Variants in ERICH3 observed in about 807,000 individuals in gnomAD.
ERICH3 encodes the protein glutamate rich 3.
In ERICH3, 126 loss-of-function variants were observed where a neutral mutation model predicts 131.1. That is an observed-to-expected ratio of 0.96 (90% CI 0.83 to 1.11). The LOEUF (loss-of-function observed/expected upper bound fraction) is 1.11. Ranked by LOEUF, ERICH3 falls within the 50% of genes most tolerant of loss-of-function variation. ERICH3 has a pLI of 0.00. For synonymous variants in ERICH3, 695 were observed against 644.6 expected (o/e 1.08, Z -1.18); for missense variants, 2,050 against 1,810.7 (o/e 1.13, Z -2.40).
chr1:74,634,495 T>G (rs1047472654), intron 6 of ERICH3, among the ~76,000 whole-genome samples: 2 of 151,964 alleles, frequency 1.3e-5, no homozygotes, highest in East Asian at 1.9e-4. Flanking sequence ...AGTAAATCTA[T>G]CCAGTGGCTC....
At chr1:74,643,272 T>C (rs1027675493) in intron 3 of ERICH3, among the ~76,000 whole-genome samples, 174 bp from the exon 4 acceptor site, 2 of 152,148 alleles carry the variant, frequency 1.3e-5, no homozygotes, top group Admixed American at 1.3e-4. Flanking sequence ...GTGCAACTAT[T>C]TGGAAATTCA....
rs1646979227 is a variant in ERICH3 at position 74,572,778 on chromosome 1, C to T, written c.2932G>A (p.Glu978Lys). Residue 978 changes from glutamate to lysine, a missense_variant, in exon 14 of 15, where the codon GAG becomes AAG. By Grantham distance (56) the Glu-to-Lys change is moderately conservative (BLOSUM62 1). Transcript: ENST00000326665. ...TCTTTTCTCTCTTTGGCTGGTTCCT[C>T]TCCCCCAAGAATTGCCTCTTCAGAA... ...DGSEEAILGG[E>K]EPAKERKEVM... The T allele has an allele frequency of 4.3e-6, 7 of 1,613,842 alleles. No homozygotes were observed. Among genetic ancestry groups the T allele is most frequent in the African/African-American group, 1.3e-5 (1 of 74,860 alleles).
intron 1 of ERICH3, among the ~76,000 whole-genome samples, chr1:74,666,834 T>A (rs574681132): frequency 6.6e-6 from 1 of 152,208 alleles, no homozygotes; most frequent in South Asian, 2.1e-4. Context: ...GCAAAACACA[T>A]GATTGTGTGT....
chr1:74,573,138 G>A lies in ERICH3; in HGVS notation c.2572C>T (p.Pro858Ser), dbSNP rs150485650. The A allele has an allele frequency of 2.2e-5, 36 of 1,613,242 alleles. No homozygotes were observed. In the African/African-American group the frequency reaches 4.4e-4, roughly 20 times the overall value. The change falls in exon 14 of 15, where the codon CCC becomes TCC. Residue 858 changes from proline (P) to serine (S), a missense_variant. Coordinates refer to ENST00000326665, the MANE Select transcript of ERICH3 (RefSeq NM_001002912.5). Reference sequence around the variant, plus strand: ...TCTTTTGCTGCTGCTTGTCCTATGGGGTCTGACCCCCCTTCACCCAGCCTT... The same window carrying A: ...TCTTTTGCTGCTGCTTGTCCTATGGAGTCTGACCCCCCTTCACCCAGCCTT... ...VRRLGEGGSD[P>S]IGQAAAKDAV...
intron 7 of ERICH3, 147 bp downstream of exon 7, chr1:74,631,566 T>G: frequency 1.5e-6 from 1 of 658,036 alleles, no homozygotes; most frequent in East Asian, 2.7e-5. Context: ...TTCAGATACA[T>G]TCAAGCTTAC....
chr1:74,580,333 T>A (rs1394321352), intron 12 of ERICH3, among the ~76,000 whole-genome samples: 1 of 152,182 alleles, frequency 6.6e-6, no homozygotes, highest in Non-Finnish European at 1.5e-5. Context: ...TTTCGGTTCA[T>A]CAATGTCTAT....
Position 74,656,519 on chromosome 1 carries a change from A to G in ERICH3, c.24-7204T>C, listed in dbSNP as rs115969177. Reference sequence around the variant, plus strand: ...TGCCCTCGACTTGAGTTCCAAATCTAATTCTACCCCTTATAAGATACATGA... The same window carrying G: ...TGCCCTCGACTTGAGTTCCAAATCTGATTCTACCCCTTATAAGATACATGA... On this transcript the variant is annotated intron_variant, in intron 1 of 14. Transcript: ENST00000326665. Among the ~76,000 whole-genome samples the G allele has an allele frequency of 7.0e-3, 1,058 of 152,226 alleles. 6 individuals are homozygous for G. The highest frequency in any genetic ancestry group is 0.031 in the Middle Eastern group (9 of 294).
At chr1:74,590,887 A>AT (rs541863002) in intron 11 of ERICH3, among the ~76,000 whole-genome samples, 3 of 152,308 alleles carry the variant, frequency 2.0e-5, no homozygotes, top group East Asian at 3.9e-4. Flanking sequence ...TTTGAAAGCC[A>AT]TTTTTTATTG....
At chr1:74,624,342 TAGAG>T (rs1459524095) in intron 7 of ERICH3, 1 of 152,210 alleles carries the variant, frequency 6.6e-6, no homozygotes, top group Admixed American at 6.5e-5. Context: ...CTGGTGGCCC[TAGAG>T]AGAGAAAGTC....
intron 5 of ERICH3, among the ~76,000 whole-genome samples, chr1:74,639,372 T>C (rs1646418481): frequency 6.6e-6 from 1 of 152,200 alleles, no homozygotes; most frequent in African/African-American, 2.4e-5. Context: ...TAGATGAATG[T>C]GGTAGTCAAA....
At chr1:74,591,210 A>C (rs896461159) in intron 11 of ERICH3, among the ~76,000 whole-genome samples, 2 of 152,164 alleles carry the variant, frequency 1.3e-5, no homozygotes, top group Admixed American at 1.3e-4. Context: ...ATGAAGATTC[A>C]TGTGTGAGAA....
chr1:74,618,890 C>A lies in ERICH3; in HGVS notation c.1000+1844G>T, dbSNP rs188282621. ...CCCTCCAACTTTTGTTAACAGAAAT[C>A]TTTTAAAACCCTATTCACATTTTAC... On this transcript the variant is annotated intron_variant, in intron 8 of 14. Transcript: ENST00000326665. Among the ~76,000 whole-genome samples, 823 of 152,284 alleles carry A rather than the reference C, an allele frequency of 5.4e-3. 3 individuals carry two copies. Among genetic ancestry groups the A allele is most frequent in the Admixed American group, 0.014 (210 of 15,292 alleles).
intron 5 of ERICH3, among the ~76,000 whole-genome samples, chr1:74,640,677 T>C (rs946138023): frequency 1.3e-5 from 2 of 152,182 alleles, no homozygotes; most frequent in Non-Finnish European, 2.9e-5. Context: ...ACACCACTTT[T>C]AGATTAGAAA....
intron 1 of ERICH3, among the ~76,000 whole-genome samples, chr1:74,658,130 C>T (rs570247789): frequency 1.6e-4 from 25 of 152,114 alleles, no homozygotes; most frequent in Non-Finnish European, 2.4e-4. Context: ...TAGTCCATAA[C>T]TAGTTAAAAG....
chr1:74,666,540 A>G (rs946841447), intron 1 of ERICH3, among the ~76,000 whole-genome samples: 4 of 152,194 alleles, frequency 2.6e-5, no homozygotes, highest in African/African-American at 9.6e-5. Context: ...GCAAGCTCTC[A>G]GGTGAATTAC....
At chr1:74,576,175 G>A (rs1418885766) in intron 13 of ERICH3, among the ~76,000 whole-genome samples, 1 of 152,180 alleles carries the variant, frequency 6.6e-6, no homozygotes, top group Admixed American at 6.5e-5. Flanking sequence ...TCCTTTGACA[G>A]TAAATGAGAT....
intron 8 of ERICH3, among the ~76,000 whole-genome samples, chr1:74,615,597 A>C (rs530846537): frequency 1.2e-4 from 18 of 152,318 alleles, no homozygotes; most frequent in Admixed American, 4.6e-4. Flanking sequence ...GAGGGGCAAA[A>C]TTAATATATC....
intron 5 of ERICH3, 124 bp from the exon 6 acceptor site, chr1:74,636,562 T>A (rs938830512): frequency 1.3e-5 from 12 of 932,656 alleles, no homozygotes; most frequent in Non-Finnish European, 1.9e-5. Flanking sequence ...AGATTAAACT[T>A]TAATTATGTC....
intron 2 of ERICH3, among the ~76,000 whole-genome samples, chr1:74,648,780 GA>G (rs1646506329): frequency 6.6e-6 from 1 of 152,082 alleles, no homozygotes; most frequent in Non-Finnish European, 1.5e-5. Flanking sequence ...ACCATCACAG[GA>G]AGTAATTGTT....
Sources: allele counts gnomAD v4.1 joint callset (sites outside exome capture counted in the v4.1 genomes callset), GRCh38; gene constraint gnomAD v4.1.1; transcripts MANE v1.5; gene names NCBI Gene and HGNC (gene_info 2026-07-23, HGNC 2026-07-21).